Variants in ACTN4 observed in about 807,000 individuals in gnomAD.
The protein encoded by ACTN4 is actinin alpha 4, also known as alpha-actinin-4.
Under a neutral mutation model 114.2 loss-of-function variants are expected in ACTN4, and 18 were observed. That is an observed-to-expected ratio of 0.16 (90% CI 0.11 to 0.23). The LOEUF (loss-of-function observed/expected upper bound fraction) is 0.23. ACTN4 is among the 10% of genes least tolerant of loss of function. The probability of loss-of-function intolerance (pLI) is 1.00; values close to 1 mark genes in which losing one functional copy is unlikely to be tolerated. For missense variants in ACTN4, 722 were observed against 1,262.9 expected (o/e 0.57, Z 6.49); for synonymous variants, 515 against 506.3 (o/e 1.02, Z -0.23).
At chr19:38,711,044 C>T (rs1471078072) in intron 8 of ACTN4, 1 of 157,390 alleles carries the variant, frequency 6.4e-6, no homozygotes, top group East Asian at 1.9e-4. Flanking sequence ...ACAAAGCTGC[C>T]TTTATAGGGC....
intron 16 of ACTN4, among the ~76,000 whole-genome samples, chr19:38,725,109 C>T (rs1205525753): frequency 1.3e-5 from 2 of 152,174 alleles, no homozygotes; most frequent in Non-Finnish European, 2.9e-5. Flanking sequence ...GCTTTTTGCA[C>T]CAACTAACCA....
At chr19:38,719,417 T>G (rs900529069) in intron 11 of ACTN4, among the ~76,000 whole-genome samples, 2 of 152,248 alleles carry the variant, frequency 1.3e-5, no homozygotes, top group African/African-American at 4.8e-5. Flanking sequence ...GCCCAGCTTG[T>G]GCCCTCCTCA....
chr19:38,669,269 A>C (rs1967061671), intron 1 of ACTN4, among the ~76,000 whole-genome samples: 1 of 152,170 alleles, frequency 6.6e-6, no homozygotes, highest in Non-Finnish European at 1.5e-5. Flanking sequence ...TACAGGCGTG[A>C]GTCACCGCGC....
At chr19:38,691,424 CA>C (rs72251064) in intron 1 of ACTN4, among the ~76,000 whole-genome samples, 8,102 of 122,458 alleles carry the variant, frequency 0.066, 267 homozygotes, top group South Asian at 0.11. Context: ...ACAAAAAAAA[CA>C]AAAAAAAAAA....
intron 1 of ACTN4, among the ~76,000 whole-genome samples, chr19:38,654,815 T>C (rs916939412): frequency 2.0e-5 from 3 of 152,116 alleles, no homozygotes; most frequent in East Asian, 1.9e-4. Context: ...TAGAAGCTGA[T>C]TGGTGTAATT....
chr19:38,689,067 C>T (rs1005174649), intron 1 of ACTN4, among the ~76,000 whole-genome samples: 5 of 152,228 alleles, frequency 3.3e-5, no homozygotes, highest in Admixed American at 1.3e-4. Context: ...TATGACTCAG[C>T]AATTTTACTC....
chr19:38,690,175 A>G (rs1039458429), intron 1 of ACTN4, among the ~76,000 whole-genome samples: 4 of 152,140 alleles, frequency 2.6e-5, no homozygotes, highest in Admixed American at 1.3e-4. Context: ...CTCCCACTGT[A>G]TGGAAGCTCT....
At chr19:38,700,571 G>A in intron 1 of ACTN4, 29 bp from the exon 2 acceptor site, 1 of 1,584,850 alleles carries the variant, frequency 6.3e-7, no homozygotes, top group South Asian at 1.1e-5. Context: ...GGCTGACTCT[G>A]CGCACTGTCC....
chr19:38,666,093 C>G (rs913822093), intron 1 of ACTN4, among the ~76,000 whole-genome samples: 1 of 152,092 alleles, frequency 6.6e-6, no homozygotes, highest in Admixed American at 6.5e-5. Context: ...TTGGAGGAGC[C>G]CTGCCCCTTC....
At chr19:38,701,268 C>A in intron 3 of ACTN4, 147 bp downstream of exon 3, 1 of 1,340,648 alleles carries the variant, frequency 7.5e-7, no homozygotes, top group South Asian at 1.4e-5. Flanking sequence ...GCAGTGATCA[C>A]AACAACTGCT....
In ACTN4 at chr19:38,727,825, T is replaced by A; in HGVS notation, c.2338-121T>A. 2 of 928,196 alleles carry A rather than the reference T, an allele frequency of 2.2e-6. No homozygotes were observed. The highest frequency in any genetic ancestry group is 3.0e-5 in the South Asian group (2 of 67,594). 57.5% of individuals were successfully genotyped at this position (928,196 alleles called of 1,614,324 possible). A position where few individuals can be genotyped will look rare whatever the true frequency, so the allele number is the denominator to read the frequency against. On this transcript the variant is annotated intron_variant, in intron 18 of 20. Coordinates refer to ENST00000252699, the MANE Select transcript of ACTN4 (RefSeq NM_004924.6). The surrounding 1 kb of genome is among the most constrained non-coding windows in gnomAD (Gnocchi z 5.4). The stretch of plus-strand genomic sequence containing the variant: ...GCCATCTCCTTGTCCATGTTGCCTC[T>A]AACTCTGTGTTTCCCTCCCCTACGT...
intron 1 of ACTN4, among the ~76,000 whole-genome samples, chr19:38,656,360 G>T (rs900075662): frequency 2.6e-5 from 4 of 152,176 alleles, no homozygotes; most frequent in African/African-American, 9.7e-5. Flanking sequence ...GATTACAGGT[G>T]TGAGTCACCA....
At chr19:38,708,575 G>C (rs1200290693) in intron 6 of ACTN4, among the ~76,000 whole-genome samples, 2 of 152,254 alleles carry the variant, frequency 1.3e-5, no homozygotes, top group Admixed American at 6.5e-5. Context: ...TGCCCATGCA[G>C]GGTCCTGCTG....
chr19:38,691,901 CAAAA>C (rs1202998994), intron 1 of ACTN4, among the ~76,000 whole-genome samples: 3 of 152,040 alleles, frequency 2.0e-5, no homozygotes, highest in Non-Finnish European at 2.9e-5. Flanking sequence ...GACTCTGTCT[CAAAA>C]CAAACAAACA....
intron 12 of ACTN4, among the ~76,000 whole-genome samples, chr19:38,722,557 G>A (rs765302318): frequency 1.9e-4 from 29 of 152,228 alleles, no homozygotes; most frequent in Non-Finnish European, 3.5e-4. Flanking sequence ...ACTACTGTCC[G>A]GGTGCTTTGA....
At chr19:38,662,452 C>T (rs1046396126) in intron 1 of ACTN4, among the ~76,000 whole-genome samples, 19 of 152,322 alleles carry the variant, frequency 1.2e-4, no homozygotes, top group Admixed American at 9.2e-4. Flanking sequence ...TGTGATGGTG[C>T]AGCCAGCCCA....
rs1330751740 is a variant in ACTN4 at position 38,730,690 on chromosome 19, A to C, written c.*1258A>C. Reference sequence around the variant, plus strand: ...CTGTTCTTGTTTCTGAGTGAGGAGTACGCAGGCCAGAGTGGTCACCCGGCC... The same window carrying C: ...CTGTTCTTGTTTCTGAGTGAGGAGTCCGCAGGCCAGAGTGGTCACCCGGCC... On this transcript the variant is annotated 3_prime_UTR_variant, in exon 21 of 21. Coordinates refer to ENST00000252699, the MANE Select transcript of ACTN4 (RefSeq NM_004924.6). 2.6e-6 allele frequency: 2 copies of C among 769,300 alleles called. No individual in the cohort carries two copies. Among genetic ancestry groups the C allele is most frequent in the Admixed American group, 2.3e-5 (1 of 44,228 alleles). 47.7% of individuals were successfully genotyped at this position (769,300 alleles called of 1,614,324 possible).
chr19:38,668,384 A>G (rs1185551348), intron 1 of ACTN4, among the ~76,000 whole-genome samples: 2 of 152,202 alleles, frequency 1.3e-5, no homozygotes, highest in African/African-American at 4.8e-5. Flanking sequence ...CCCTGTCCTT[A>G]AAGAAAAGAT....
intron 8 of ACTN4, among the ~76,000 whole-genome samples, chr19:38,713,935 T>C (rs922231139): frequency 6.6e-6 from 1 of 152,188 alleles, no homozygotes; most frequent in Non-Finnish European, 1.5e-5. Flanking sequence ...AGCACTTTTC[T>C]GCCCCACGGA....
Sources: allele counts gnomAD v4.1 joint callset (sites outside exome capture counted in the v4.1 genomes callset), GRCh38; gene constraint gnomAD v4.1.1; non-coding constraint Gnocchi (gnomAD v3.1); transcripts MANE v1.5; gene names NCBI Gene and HGNC (gene_info 2026-07-23, HGNC 2026-07-21).